The following CNTN4 variants were observed in gnomAD, a reference collection of about 807,000 sequenced individuals.
The protein encoded by CNTN4 is contactin 4, also known as contactin-4.
In CNTN4, 77 loss-of-function variants were observed where a neutral mutation model predicts 122.5. That is an observed-to-expected ratio of 0.63 (90% confidence interval 0.52 to 0.76). The LOEUF (loss-of-function observed/expected upper bound fraction) is 0.76, where lower values mean the gene tolerates loss of function less well. Among genes scored for constraint, CNTN4 ranks in the 30% least tolerant of loss-of-function variants. The pLI, the probability that CNTN4 is intolerant of heterozygous loss-of-function variation, is 0.00. For missense variants in CNTN4, 1,256 were observed against 1,259.1 expected, an observed-to-expected ratio of 1.00 and a Z score of 0.04; for synonymous variants, 512 against 447.0, an observed-to-expected ratio of 1.15 and a Z score of -1.83.
At chr3:2,457,554 C>G (rs983362490) in intron 3 of CNTN4, among the ~76,000 whole-genome samples, 1 of 152,012 alleles carries the variant, frequency 6.6e-6, no homozygotes, top group South Asian at 2.1e-4. Flanking sequence ...AATGCTTGTT[C>G]CAGATGTGTT....
At chr3:2,347,573 C>A (rs964730481) in intron 3 of CNTN4, among the ~76,000 whole-genome samples, 31 of 152,148 alleles carry the variant, frequency 2.0e-4, no homozygotes, top group African/African-American at 7.2e-4. Flanking sequence ...TCACACCCAG[C>A]TAATTTTTGT....
At chr3:2,785,843 C>T (rs2091789765) in intron 6 of CNTN4, among the ~76,000 whole-genome samples, 1 of 149,570 alleles carries the variant, frequency 6.7e-6, no homozygotes, top group African/African-American at 2.4e-5. Context: ...AACATGCCTT[C>T]CTGTTTTCCC....
chr3:2,906,768 C>T (rs1477683734), intron 12 of CNTN4, among the ~76,000 whole-genome samples: 3 of 150,768 alleles, frequency 2.0e-5, no homozygotes, highest in African/African-American at 7.3e-5. Flanking sequence ...CACTTAGACC[C>T]GGGAGACAGA....
At chr3:2,605,432 A>G (rs2081217473) in intron 4 of CNTN4, among the ~76,000 whole-genome samples, 1 of 151,766 alleles carries the variant, frequency 6.6e-6, no homozygotes, top group African/African-American at 2.4e-5. Flanking sequence ...AAGACTTTGG[A>G]TTTTTTTTCT....
chr3:2,181,780 G>T (rs1321750855), intron 2 of CNTN4, among the ~76,000 whole-genome samples: 1 of 152,126 alleles, frequency 6.6e-6, no homozygotes, highest in Admixed American at 6.6e-5. Flanking sequence ...CAGCTTGGGT[G>T]AACAAAGTAG....
chr3:2,157,191 G>A (rs997911113), intron 2 of CNTN4, among the ~76,000 whole-genome samples: 5 of 152,160 alleles, frequency 3.3e-5, no homozygotes, highest in Non-Finnish European at 5.9e-5. Flanking sequence ...AATTAAATAA[G>A]CACACATTAA....
chr3:2,824,770 C>G (rs2092951936), intron 7 of CNTN4, among the ~76,000 whole-genome samples: 1 of 152,060 alleles, frequency 6.6e-6, no homozygotes, highest in Admixed American at 6.5e-5. Context: ...CAAGCTGATT[C>G]TCCCACCTCA....
chr3:2,160,243 G>A (rs960333004), intron 2 of CNTN4, among the ~76,000 whole-genome samples: 1 of 152,092 alleles, frequency 6.6e-6, no homozygotes, highest in Admixed American at 6.5e-5. Context: ...GCAGGTTGGC[G>A]GTCACCTGGA....
At chr3:2,163,063 C>T (rs1039399586) in intron 2 of CNTN4, among the ~76,000 whole-genome samples, 1 of 152,150 alleles carries the variant, frequency 6.6e-6, no homozygotes, top group African/African-American at 2.4e-5. Context: ...TGCCACTGCA[C>T]CCCAGCCTGA....
At chr3:2,378,629 C>T (rs1007875018) in intron 3 of CNTN4, among the ~76,000 whole-genome samples, 7 of 152,120 alleles carry the variant, frequency 4.6e-5, no homozygotes, top group African/African-American at 1.4e-4. Context: ...CTGGCCTCCC[C>T]GTAGTACTTC....
chr3:2,533,473 T>C (rs1291656936), intron 3 of CNTN4, among the ~76,000 whole-genome samples: 2 of 144,170 alleles, frequency 1.4e-5, no homozygotes, highest in African/African-American at 5.2e-5. Flanking sequence ...TCATCCTTTT[T>C]TATGGCTGCA....
intron 14 of CNTN4, 128 bp from the exon 15 acceptor site, chr3:3,025,974 T>A: frequency 1.1e-6 from 1 of 896,764 alleles, no homozygotes; most frequent in Non-Finnish European, 1.8e-6. Context: ...GGTTTGCTGG[T>A]CACAGCCTCA....
chr3:2,163,847 A>C (rs539397642), intron 2 of CNTN4, among the ~76,000 whole-genome samples: 2 of 152,324 alleles, frequency 1.3e-5, no homozygotes, highest in East Asian at 1.9e-4. Flanking sequence ...AAAAAATAAT[A>C]GATATTGGCC....
chr3:2,440,017 A>C lies in CNTN4; in HGVS notation c.-89+100784A>C, dbSNP rs543853194. 3.4e-4 allele frequency among the ~76,000 whole-genome samples: 52 copies of C among 152,344 alleles called. 2 individuals carry two copies. In the South Asian group the frequency reaches 0.01, roughly 30 times the overall value. On this transcript the variant is annotated intron_variant, in intron 3 of 24. Transcript: ENST00000418658. ...GGCAATAAGTAAATGAGATTAACAA[A>C]GCCAAGGGAACTGCACAGAAGTGTT...
At chr3:2,680,614 C>T (rs188330313) in intron 4 of CNTN4, among the ~76,000 whole-genome samples, 38 of 152,176 alleles carry the variant, frequency 2.5e-4, no homozygotes, top group South Asian at 8.3e-4. Context: ...ACTTCATTAA[C>T]GGTCTACACA....
chr3:2,493,265 A>G (rs77306005), intron 3 of CNTN4, among the ~76,000 whole-genome samples: 2,141 of 152,156 alleles, frequency 0.014, 20 homozygotes, highest in Non-Finnish European at 0.019. Context: ...AATTGACTCA[A>G]TGGGACTACC....
intron 4 of CNTN4, among the ~76,000 whole-genome samples, chr3:2,625,142 A>C (rs750199797): frequency 3.7e-4 from 57 of 152,260 alleles, no homozygotes; most frequent in Non-Finnish European, 7.1e-4. Context: ...TATTGTTTTC[A>C]GTACATACTG....
intron 2 of CNTN4, among the ~76,000 whole-genome samples, chr3:2,225,928 C>T (rs959412938): frequency 1.3e-5 from 2 of 152,156 alleles, no homozygotes; most frequent in African/African-American, 4.8e-5. Context: ...CTGGATTCTG[C>T]ACTATAGCTT....
intron 2 of CNTN4, among the ~76,000 whole-genome samples, chr3:2,232,903 G>C (rs1025360143): frequency 1.3e-5 from 2 of 152,152 alleles, no homozygotes; most frequent in African/African-American, 4.8e-5. Flanking sequence ...AAGAAAGGTT[G>C]AGTGGAAAGA....
Sources: allele counts gnomAD v4.1 joint callset (sites outside exome capture counted in the v4.1 genomes callset), GRCh38; gene constraint gnomAD v4.1.1; transcripts MANE v1.5; gene names NCBI Gene and HGNC (gene_info 2026-07-23, HGNC 2026-07-21).